The following FBXL4 variants were observed in gnomAD, a reference collection of about 807,000 sequenced individuals.
FBXL4 encodes the protein F-box/LRR-repeat protein 4.
In FBXL4, 40 loss-of-function variants were observed where a neutral mutation model predicts 58.9. The observed-to-expected ratio is 0.68, with a 90% CI of 0.53 to 0.88. The LOEUF (loss-of-function observed/expected upper bound fraction) is 0.88, where lower values mean the gene tolerates loss of function less well. Ranked by LOEUF, FBXL4 falls within the 40% of genes least tolerant of loss-of-function variation. The pLI, the probability that FBXL4 is intolerant of heterozygous loss-of-function variation, is 0.00. For missense variants in FBXL4, 676 were observed against 734.4 expected, an observed-to-expected ratio of 0.92 and a Z score of 0.92; for synonymous variants, 263 against 265.5, an observed-to-expected ratio of 0.99 and a Z score of 0.09.
At chr6:98,874,482 AAGTAT>A in intron 9 of FBXL4, 41 bp from the exon 10 acceptor site, 11 of 1,565,584 alleles carry the variant, frequency 7.0e-6, no homozygotes, top group African/African-American at 1.4e-5. Flanking sequence ...AAAACACCTT[AAGTAT>A]AACATTTATA....
At chr6:98,907,021 T>C (rs1284761391) in intron 5 of FBXL4, among the ~76,000 whole-genome samples, 1 of 152,256 alleles carries the variant, frequency 6.6e-6, no homozygotes, top group Non-Finnish European at 1.5e-5. Context: ...TGGGGTTGTT[T>C]CTTTCTTGTA....
rs780218423 is a variant in FBXL4, at chr6:98,917,337, T to C, written c.858+37A>G. ...ATCTAAAGATTAAAAATCTATAGTG[T>C]TATATCCAATACTGCTGCTAAATAT... On this transcript the variant is annotated intron_variant, in intron 5 of 9. Transcript: ENST00000369244. 5 of 1,385,154 alleles carry C rather than the reference T, an allele frequency of 3.6e-6. No individual in the cohort carries two copies. In the African/African-American group the frequency reaches 7.2e-5, roughly 20 times the overall value. The allele number at this position is 1,385,154 out of a possible 1,614,324, so 85.8% of individuals were successfully genotyped here.
In FBXL4 at chr6:98,880,582, G is replaced by A. The variant is rs750973870; in HGVS notation, c.1360C>T (p.Gln454Ter). The change falls in exon 8 of 10, where the codon CAG becomes TAG. Residue 454 changes from glutamine (Q) to a stop codon, truncating the protein, a stop_gained. Coordinates refer to ENST00000369244, the MANE Select transcript of FBXL4 (RefSeq NM_001278716.2). LOFTEE classifies it high-confidence loss of function. ...ACACAACTGCCTAAACTGAGGTGCT[G>A]AAGCTCTGAACAGAAGTTCAAAATG... is the stretch of plus-strand genomic sequence containing the variant. ...LSILNFCSEL[Q>*]HLSLGSCVMI... 6.2e-7 allele frequency: 1 copy of A among 1,613,972 alleles called. No homozygotes were observed. The highest frequency in any genetic ancestry group is 1.1e-5 in the South Asian group (1 of 91,080).
In FBXL4 at chr6:98,872,476, C is replaced by T. The variant is rs557470050; in HGVS notation, c.*1802G>A. ...GTACTTACAATCAACTTTAATGACACGAAACATTAACTTTGATCCTCCCTG... is the reference window on the plus strand; with the variant it reads ...GTACTTACAATCAACTTTAATGACATGAAACATTAACTTTGATCCTCCCTG... On this transcript the variant is annotated 3_prime_UTR_variant, in exon 10 of 10. Transcript: ENST00000369244. 4.7e-4 allele frequency: 72 copies of T among 152,206 alleles called. No individual in the cohort carries two copies. Among genetic ancestry groups the T allele is most frequent in the South Asian group, 1.2e-3 (6 of 4,814 alleles). The allele number at this position is 152,206 out of a possible 1,614,324, so 9.4% of individuals were successfully genotyped here. A position where few individuals can be genotyped will look rare whatever the true frequency, so the allele number is the denominator to read the frequency against.
intron 7 of FBXL4, chr6:98,897,067 T>C: frequency 1.0e-6 from 1 of 983,822 alleles, no homozygotes; most frequent in Non-Finnish European, 1.2e-6. Flanking sequence ...ATTTTTTTGG[T>C]TTTTACCCTA....
At chr6:98,876,005 G>A (rs1770649976) in intron 8 of FBXL4, among the ~76,000 whole-genome samples, 1 of 152,146 alleles carries the variant, frequency 6.6e-6, no homozygotes, top group Non-Finnish European at 1.5e-5. Context: ...AGTCTCTCAT[G>A]AAGAATTAAA....
In FBXL4 at chr6:98,873,191, ATATC is replaced by A. The variant is rs1279255816; in HGVS notation, c.*1083_*1086del. On this transcript the variant is annotated 3_prime_UTR_variant, in exon 10 of 10. Transcript: ENST00000369244. ...GCATCCACACACCCTAGCAAGATAT[ATATC>A]TCTCTCTATATAATATATATAATTA... 1 of 148,414 alleles carries A rather than the reference ATATC, an allele frequency of 6.7e-6. No individual in the cohort carries two copies. The highest frequency in any genetic ancestry group is 1.5e-5 in the Non-Finnish European group (1 of 67,338). The allele number at this position is 148,414 out of a possible 1,614,324, so 9.2% of individuals were successfully genotyped here. A position where few individuals can be genotyped will look rare whatever the true frequency, so the allele number is the denominator to read the frequency against.
intron 2 of FBXL4, 122 bp from the exon 3 acceptor site, chr6:98,927,944 TAC>T (rs1324897314): frequency 2.0e-5 from 3 of 152,216 alleles, no homozygotes; most frequent in Non-Finnish European, 4.4e-5. Flanking sequence ...TTCTATTTTG[TAC>T]ACAATTTTAA....
intron 7 of FBXL4, chr6:98,898,851 T>C: frequency 2.0e-6 from 2 of 985,352 alleles, no homozygotes; most frequent in Non-Finnish European, 2.4e-6. Context: ...ATGAGACTCA[T>C]TAACTATGGT....
At chr6:98,909,309 T>A (rs959775685) in intron 5 of FBXL4, among the ~76,000 whole-genome samples, 3 of 151,640 alleles carry the variant, frequency 2.0e-5, no homozygotes, top group African/African-American at 7.3e-5. Context: ...AGACAGGGAG[T>A]CCCAATCACT....
At chr6:98,875,314 A>G (rs766299901) in intron 9 of FBXL4, 101 bp downstream of exon 9, 1 of 1,088,968 alleles carries the variant, frequency 9.2e-7, no homozygotes, top group Admixed American at 2.0e-5. Flanking sequence ...TAAAATTTTT[A>G]TTGTATCCAA....
At chr6:98,937,406 A>G (rs767564364) in intron 1 of FBXL4, among the ~76,000 whole-genome samples, 6 of 152,252 alleles carry the variant, frequency 3.9e-5, no homozygotes, top group Admixed American at 6.5e-5. Flanking sequence ...TGATTAACAT[A>G]TTTTGTAAGT....
intron 1 of FBXL4, among the ~76,000 whole-genome samples, chr6:98,947,225 C>T (rs1284204111): frequency 1.3e-5 from 2 of 152,184 alleles, no homozygotes; most frequent in Admixed American, 1.3e-4. Flanking sequence ...CCAAAACCAC[C>T]CGTTATAAAT....
chr6:98,928,175 G>A (rs1417070635), intron 2 of FBXL4, among the ~76,000 whole-genome samples: 4 of 152,058 alleles, frequency 2.6e-5, no homozygotes, highest in African/African-American at 4.8e-5. Flanking sequence ...GGCCACTCTC[G>A]TTCCCAGCCA....
chr6:98,935,795 C>CAAAA (rs372124984), intron 1 of FBXL4, among the ~76,000 whole-genome samples: 1 of 117,674 alleles, frequency 8.5e-6, no homozygotes, highest in Non-Finnish European at 1.7e-5. Context: ...GACTCCGTCT[C>CAAAA]AAAAAAAAAA....
intron 1 of FBXL4, among the ~76,000 whole-genome samples, chr6:98,942,930 T>C (rs113982090): frequency 1.3e-5 from 2 of 152,242 alleles, no homozygotes; most frequent in African/African-American, 4.8e-5. Context: ...GATTAAATTG[T>C]CCTATTAAGA....
intron 4 of FBXL4, among the ~76,000 whole-genome samples, chr6:98,922,039 C>T (rs1238455380): frequency 1.3e-5 from 2 of 152,074 alleles, no homozygotes; most frequent in Admixed American, 1.3e-4. Context: ...GTGATTCTCC[C>T]GCCTCAGCCT....
intron 7 of FBXL4, among the ~76,000 whole-genome samples, chr6:98,881,029 C>T (rs1348169593): frequency 6.6e-6 from 1 of 152,110 alleles, no homozygotes; most frequent in African/African-American, 2.4e-5. Flanking sequence ...TGGTGACACT[C>T]CTGAAGAATG....
At chr6:98,913,437 C>G (rs1161154399) in intron 5 of FBXL4, among the ~76,000 whole-genome samples, 1 of 152,176 alleles carries the variant, frequency 6.6e-6, no homozygotes, top group Non-Finnish European at 1.5e-5. Context: ...TAAACCACTC[C>G]ACAGCAAATG....
Sources: allele counts gnomAD v4.1 joint callset (sites outside exome capture counted in the v4.1 genomes callset), GRCh38; gene constraint gnomAD v4.1.1; transcripts MANE v1.5; gene names NCBI Gene and HGNC (gene_info 2026-07-23, HGNC 2026-07-21).